SNAP91: variants seen among roughly 807,000 people sequenced by gnomAD.
SNAP91 encodes synaptosome associated protein 91.
SNAP91 carries 27 observed loss-of-function variants against 100.3 expected under a neutral mutation model. That is an observed-to-expected ratio of 0.27 (90% confidence interval 0.20 to 0.37). The LOEUF (loss-of-function observed/expected upper bound fraction) is 0.37. SNAP91 is among the 10% of genes least tolerant of loss of function. The pLI, the probability that SNAP91 is intolerant of heterozygous loss-of-function variation, is 1.00. For missense variants in SNAP91, 986 were observed against 1,123.7 expected (o/e 0.88, Z 1.75); for synonymous variants, 404 against 398.6 (o/e 1.01, Z -0.16).
intron 2 of SNAP91, among the ~76,000 whole-genome samples, chr6:83,679,768 T>C (rs1207984118): frequency 6.6e-6 from 1 of 152,196 alleles, no homozygotes; most frequent in Non-Finnish European, 1.5e-5. Context: ...AGTTCAGCCC[T>C]AGGCTTCAAT....
At chr6:83,629,167 G>A (rs1213347304) in intron 8 of SNAP91, among the ~76,000 whole-genome samples, 1 of 152,072 alleles carries the variant, frequency 6.6e-6, no homozygotes, top group African/African-American at 2.4e-5. Context: ...AGATCAGTAA[G>A]CTGTAAGTAT....
At chr6:83,696,687 G>A (rs974419649) in intron 2 of SNAP91, among the ~76,000 whole-genome samples, 1 of 152,046 alleles carries the variant, frequency 6.6e-6, no homozygotes. Flanking sequence ...TTAAGTCTGG[G>A]CTTAAACATC....
At chr6:83,572,058 A>G (rs542381926) in intron 26 of SNAP91, among the ~76,000 whole-genome samples, 52 of 152,218 alleles carry the variant, frequency 3.4e-4, no homozygotes, top group African/African-American at 1.2e-3. Flanking sequence ...CCATGAGTCC[A>G]TTAAACCTCT....
intron 7 of SNAP91, among the ~76,000 whole-genome samples, chr6:83,645,833 A>C (rs1374002008): frequency 6.6e-6 from 1 of 152,224 alleles, no homozygotes; most frequent in African/African-American, 2.4e-5. Flanking sequence ...TCTGGGAGAC[A>C]GAATAAGACC....
At chr6:83,564,417 G>A (rs1293798470) in intron 26 of SNAP91, among the ~76,000 whole-genome samples, 7 of 150,518 alleles carry the variant, frequency 4.7e-5, no homozygotes, top group Non-Finnish European at 1.0e-4. Context: ...GGCTCACTGC[G>A]GCCTCTAGTT....
intron 25 of SNAP91, chr6:83,575,542 T>C (rs9294278): frequency 0.42 from 96,271 of 231,862 alleles, 20,727 homozygotes; most frequent in South Asian, 0.48. Context: ...AACTGTATCA[T>C]GACTGCAACC....
intron 14 of SNAP91, among the ~76,000 whole-genome samples, chr6:83,603,055 T>A (rs987146929): frequency 1.3e-5 from 2 of 152,172 alleles, no homozygotes; most frequent in African/African-American, 4.8e-5. Flanking sequence ...TTAAACAGGT[T>A]AAAGATAGTA....
At chr6:83,659,127 T>A (rs758115377) in intron 5 of SNAP91, 35 bp from the exon 6 acceptor site, 2 of 1,454,348 alleles carry the variant, frequency 1.4e-6, no homozygotes, top group Non-Finnish European at 1.9e-6. Flanking sequence ...TACAATTTCA[T>A]TGGATATGGA....
intron 26 of SNAP91, among the ~76,000 whole-genome samples, chr6:83,569,912 C>CT (rs1009462270): frequency 1.6e-4 from 24 of 151,406 alleles, no homozygotes; most frequent in African/African-American, 4.6e-4. Context: ...TTCATGAAAC[C>CT]TTTTTTTTTG....
intron 7 of SNAP91, among the ~76,000 whole-genome samples, chr6:83,643,215 T>A (rs11760105): frequency 0.21 from 32,144 of 152,154 alleles, 4,213 homozygotes; most frequent in East Asian, 0.4. Flanking sequence ...TTGTCAATTT[T>A]GGCTTTTGTT....
chr6:83,578,006 T>C (rs1822065371), intron 24 of SNAP91, among the ~76,000 whole-genome samples: 1 of 152,208 alleles, frequency 6.6e-6, no homozygotes, highest in African/African-American at 2.4e-5. Flanking sequence ...CTTCTTTCAC[T>C]TGGCATGTTT....
intron 2 of SNAP91, among the ~76,000 whole-genome samples, chr6:83,687,078 G>T (rs1438676378): frequency 2.0e-5 from 3 of 152,138 alleles, no homozygotes; most frequent in Admixed American, 1.3e-4. Flanking sequence ...ATTACAGTTA[G>T]CCAGGTACCC....
rs1047231898 is a variant in SNAP91 at position 83,601,209 on chromosome 6, C to T, written c.1324+62G>A. On this transcript the variant is annotated intron_variant, in intron 16 of 29. Coordinates refer to ENST00000369694, the MANE Select transcript of SNAP91 (RefSeq NM_001242792.2). ...ACATAACGGAAAAAATTTTAAAGAC[C>T]TTAACTCCCAAGTAATTTTAGCAAT... The T allele has an allele frequency of 5.8e-6, 9 of 1,564,486 alleles. No homozygotes were observed. In the African/African-American group the frequency reaches 1.1e-4, roughly 19 times the overall value.
intron 8 of SNAP91, among the ~76,000 whole-genome samples, chr6:83,636,858 C>G (rs555311159): frequency 1.3e-5 from 2 of 151,994 alleles, no homozygotes; most frequent in African/African-American, 4.8e-5. Flanking sequence ...TCTTTTTTCC[C>G]GTAAGGGTTG....
chr6:83,573,339 A>G (rs922184011), intron 26 of SNAP91, among the ~76,000 whole-genome samples: 4 of 152,194 alleles, frequency 2.6e-5, no homozygotes, highest in Non-Finnish European at 5.9e-5. Context: ...ATGCTCATGG[A>G]TAGGAATAAT....
chr6:83,586,756 T>G (rs1341730932), intron 22 of SNAP91, among the ~76,000 whole-genome samples: 1 of 152,180 alleles, frequency 6.6e-6, no homozygotes. Flanking sequence ...GTAATCTCAA[T>G]GGCTTGGAAA....
intron 9 of SNAP91, among the ~76,000 whole-genome samples, chr6:83,621,085 A>G (rs973574825): frequency 1.3e-5 from 2 of 152,020 alleles, no homozygotes; most frequent in African/African-American, 4.8e-5. Flanking sequence ...GGTTTGTCAT[A>G]TAGGTAAATT....
intron 16 of SNAP91, among the ~76,000 whole-genome samples, chr6:83,600,750 C>G (rs1227540735): frequency 6.6e-6 from 1 of 152,184 alleles, no homozygotes; most frequent in Non-Finnish European, 1.5e-5. Context: ...TTGGACAGAA[C>G]AAACTTAAAG....
intron 26 of SNAP91, among the ~76,000 whole-genome samples, chr6:83,574,508 C>T (rs1814589113): frequency 6.6e-6 from 1 of 151,776 alleles, no homozygotes; most frequent in South Asian, 2.1e-4. Context: ...TGAACTTACA[C>T]AATAAAAAAC....
Sources: allele counts gnomAD v4.1 joint callset (sites outside exome capture counted in the v4.1 genomes callset), GRCh38; gene constraint gnomAD v4.1.1; transcripts MANE v1.5; gene names NCBI Gene and HGNC (gene_info 2026-07-23, HGNC 2026-07-21).